Variants in MDM1 observed in about 807,000 individuals in gnomAD.
MDM1 encodes the protein stabilizer of axonemal microtubules 6.
A neutral mutation model predicts 89.1 loss-of-function variants in MDM1; 61 were observed. The ratio of observed to expected loss-of-function variants is 0.68; its 90% CI spans 0.56 to 0.85. The LOEUF is 0.85. Ranked by LOEUF, MDM1 falls within the 40% of genes least tolerant of loss-of-function variation. The pLI, the probability that MDM1 is intolerant of heterozygous loss-of-function variation, is 0.00. For missense variants in MDM1, 820 were observed against 846.5 expected, an observed-to-expected ratio of 0.97 and a Z score of 0.39; for synonymous variants, 290 against 294.1, an observed-to-expected ratio of 0.99 and a Z score of 0.14.
Position 68,332,305 on chromosome 12 carries a change from G to C in MDM1, c.-60C>G. 1 of 1,526,078 alleles carries C rather than the reference G, an allele frequency of 6.6e-7. No homozygotes were observed. The highest frequency in any genetic ancestry group is 8.8e-7 in the Non-Finnish European group (1 of 1,136,444). 94.5% of individuals were successfully genotyped at this position (1,526,078 alleles called of 1,614,324 possible). A position where few individuals can be genotyped will look rare whatever the true frequency, so the allele number is the denominator to read the frequency against. On this transcript the variant is annotated 5_prime_UTR_variant, in exon 1 of 15. Coordinates refer to ENST00000682720, the MANE Select transcript of MDM1 (RefSeq NM_001354969.2). The stretch of plus-strand genomic sequence containing the variant: ...GTTAACTGGAGAAAAAGCTCCGAGG[G>C]GGCGGGGCGATAACAGTGTTCCCTA...
Position 68,295,097 on chromosome 12 carries a change from C to T in MDM1, c.*157G>A, listed in dbSNP as rs569450651. 2 of 499,084 alleles carry T rather than the reference C, an allele frequency of 4.0e-6. No homozygotes were observed. Among genetic ancestry groups the T allele is most frequent in the Admixed American group, 3.6e-5 (1 of 27,660 alleles). The allele number at this position is 499,084 out of a possible 1,614,324, so 30.9% of individuals were successfully genotyped here. ...TCTTTAAAAGTTAAATTTGTATAAG[C>T]CTATGTTAACAATTTCCAAGTAAAC... On this transcript the variant is annotated 3_prime_UTR_variant, in exon 15 of 15. Transcript: ENST00000682720.
At chr12:68,331,960 T>A (rs780810958) in intron 1 of MDM1, 2 of 690,288 alleles carry the variant, frequency 2.9e-6, no homozygotes, top group Admixed American at 2.0e-5. Context: ...TCCTCCCATC[T>A]CCACTCCTCT....
intron 12 of MDM1, among the ~76,000 whole-genome samples, chr12:68,305,593 C>T (rs1872759400): frequency 6.6e-6 from 1 of 152,062 alleles, no homozygotes; most frequent in South Asian, 2.1e-4. Flanking sequence ...AAATCAGTAG[C>T]ATTTCTACAA....
chr12:68,321,689 T>C, intron 5 of MDM1, 61 bp from the exon 6 acceptor site: 1 of 1,062,672 alleles, frequency 9.4e-7, no homozygotes, highest in South Asian at 1.5e-5. Flanking sequence ...AGTGAAAACA[T>C]GCATGTTATA....
chr12:68,307,486 TA>T (rs1165941001), intron 12 of MDM1, among the ~76,000 whole-genome samples: 1 of 151,920 alleles, frequency 6.6e-6, no homozygotes, highest in Non-Finnish European at 1.5e-5. Flanking sequence ...AAATTTTTTT[TA>T]AAAATTAGCC....
rs769707806 is a variant in MDM1, at chr12:68,296,937, G to C, written c.2048C>G (p.Ala683Gly). The change falls in exon 14 of 15, where the codon GCC becomes GGC. Residue 683 changes from alanine to glycine, a missense_variant. Ala to Gly is a moderately conservative substitution (Grantham distance 60). Transcript: ENST00000682720. ...TACTGAAATACCTTCATCATTAAAG[G>C]CTTCATGTTGAGGTAACTGCAAATT... ...MNNLQLPQHEAFNDEDEDRLS... is the reference protein window; with the variant it reads ...MNNLQLPQHEGFNDEDEDRLS... 6.9e-6 allele frequency: 11 copies of C among 1,588,536 alleles called. No homozygotes were observed. Among genetic ancestry groups the C allele is most frequent in the African/African-American group, 1.4e-5 (1 of 73,270 alleles).
At chr12:68,326,218 C>T in intron 3 of MDM1, 1 of 1,101,396 alleles carries the variant, frequency 9.1e-7, no homozygotes, top group Non-Finnish European at 1.1e-6. Context: ...TGAGAGACAG[C>T]CAGAGCTCTC....
rs376973903 is a variant in MDM1 at position 68,303,634 on chromosome 12, T to C, written c.1750-762A>G. On this transcript the variant is annotated intron_variant, in intron 12 of 14. Transcript: ENST00000682720. ...AAATTAGATTTTAACAATAAGCATC[T>C]GGTTTTAAAAAACTGTGGTGTAACT... is the stretch of plus-strand genomic sequence containing the variant. 4.2e-4 allele frequency among the ~76,000 whole-genome samples: 64 copies of C among 152,358 alleles called. No homozygotes were observed. The East Asian group carries it at 8.7e-3, about 21-fold the overall frequency.
intron 7 of MDM1, among the ~76,000 whole-genome samples, chr12:68,320,777 T>C (rs1044295479): frequency 1.3e-5 from 2 of 152,226 alleles, no homozygotes; most frequent in Non-Finnish European, 2.9e-5. Flanking sequence ...TTCCATTCTC[T>C]ATCCTTTGAG....
intron 13 of MDM1, among the ~76,000 whole-genome samples, chr12:68,300,573 A>G (rs1384682376): frequency 2.0e-5 from 3 of 152,242 alleles, no homozygotes; most frequent in African/African-American, 7.2e-5. Flanking sequence ...AGGTCATCAT[A>G]TAACGATAAA....
At chr12:68,296,610 G>A (rs1470068331) in intron 14 of MDM1, among the ~76,000 whole-genome samples, 1 of 152,162 alleles carries the variant, frequency 6.6e-6, no homozygotes, top group East Asian at 1.9e-4. Context: ...TTAAAAGATG[G>A]ATGTAACACT....
chr12:68,321,338 T>C lies in MDM1; in HGVS notation c.1005+9A>G. The C allele has an allele frequency of 6.2e-7, 1 of 1,608,900 alleles. No individual in the cohort carries two copies. Among genetic ancestry groups the C allele is most frequent in the Non-Finnish European group, 8.5e-7 (1 of 1,176,512 alleles). ...AACATGTAGGCTTATTGAGGTCATGTACACTCACCTGATTTGGCATGTTTC... is the reference window on the plus strand; with the variant it reads ...AACATGTAGGCTTATTGAGGTCATGCACACTCACCTGATTTGGCATGTTTC... On this transcript the variant is annotated intron_variant, in intron 7 of 14. Transcript: ENST00000682720.
At chr12:68,327,544 A>G (rs755388392) in intron 2 of MDM1, 1 of 1,510,732 alleles carries the variant, frequency 6.6e-7, no homozygotes, top group Non-Finnish European at 8.9e-7. Flanking sequence ...CCTTTTAACA[A>G]CAGCTAAGAT....
intron 13 of MDM1, among the ~76,000 whole-genome samples, chr12:68,302,186 T>C (rs1257587273): frequency 6.6e-6 from 1 of 152,054 alleles, no homozygotes; most frequent in African/African-American, 2.4e-5. Flanking sequence ...AGATCCAGAA[T>C]AAAAGGAGCA....
chr12:68,332,111 G>T, intron 1 of MDM1, 117 bp downstream of exon 1: 1 of 1,424,596 alleles, frequency 7.0e-7, no homozygotes, highest in Non-Finnish European at 9.7e-7. Flanking sequence ...CCTGGGGCTG[G>T]CAGCTTCCGC....
chr12:68,302,441 T>C (rs1477098737), intron 13 of MDM1, among the ~76,000 whole-genome samples, 179 bp downstream of exon 13: 1 of 152,174 alleles, frequency 6.6e-6, no homozygotes, highest in Non-Finnish European at 1.5e-5. Flanking sequence ...AAAAGTGAAC[T>C]TAGGTGCAGC....
Position 68,321,668 on chromosome 12 carries a change from T to A in MDM1, c.802-40A>T, listed in dbSNP as rs768459745. 26 of 1,334,624 alleles carry A rather than the reference T, an allele frequency of 1.9e-5. 2 individuals carry two copies. The South Asian group carries it at 3.0e-4, about 15-fold the overall frequency. 82.7% of individuals were successfully genotyped at this position (1,334,624 alleles called of 1,614,324 possible). On this transcript the variant is annotated intron_variant, in intron 5 of 14. Coordinates refer to ENST00000682720, the MANE Select transcript of MDM1 (RefSeq NM_001354969.2). ...ATTTAAGCTTTTTATGCTTAAGATG[T>A]TACACATTAAAGTGAAAACATGCAT...
chr12:68,296,056 T>C (rs924768383), intron 14 of MDM1, among the ~76,000 whole-genome samples: 2 of 152,254 alleles, frequency 1.3e-5, no homozygotes, highest in Non-Finnish European at 2.9e-5. Flanking sequence ...TAATGTATGA[T>C]ACAGAGTATG....
chr12:68,332,164 G>T (rs1876926137), intron 1 of MDM1, 64 bp downstream of exon 1: 1 of 1,501,492 alleles, frequency 6.7e-7, no homozygotes, highest in Non-Finnish European at 8.9e-7. Flanking sequence ...TGACCTCGGC[G>T]CTCCACACCT....
Sources: gnomAD v4.1 joint callset for allele counts (sites outside exome capture counted in the v4.1 genomes callset) on GRCh38, gnomAD v4.1.1 for gene constraint, MANE v1.5 for transcripts, NCBI Gene and HGNC (gene_info 2026-07-23, HGNC 2026-07-21) for gene names.